The following FBN2 variants were observed in gnomAD, a reference collection of about 807,000 sequenced individuals.
FBN2 encodes fibrillin-2.
A neutral mutation model predicts 355.6 loss-of-function variants in FBN2; 105 were observed. The ratio of observed to expected loss-of-function variants is 0.30; its 90% CI spans 0.25 to 0.35. FBN2 has a LOEUF of 0.35. FBN2 is among the 10% of genes least tolerant of loss of function. FBN2 has a pLI of 1.00. For missense variants in FBN2, 3,280 were observed against 3,758.7 expected, an observed-to-expected ratio of 0.87 and a Z score of 3.33; for synonymous variants, 1,350 against 1,301.2, an observed-to-expected ratio of 1.04 and a Z score of -0.81.
intron 5 of FBN2, among the ~76,000 whole-genome samples, chr5:128,506,905 G>A (rs1417307528): frequency 1.3e-5 from 2 of 151,984 alleles, no homozygotes; most frequent in Non-Finnish European, 1.5e-5. Context: ...AGTGAAACAC[G>A]ATGTTTTTTA....
chr5:128,476,415 G>A (rs1178640518), intron 5 of FBN2, among the ~76,000 whole-genome samples: 1 of 151,550 alleles, frequency 6.6e-6, no homozygotes, highest in Non-Finnish European at 1.5e-5. Context: ...AAAATGAGTA[G>A]AAAATAAACA....
At chr5:128,312,008 C>A (rs1750071093) in intron 37 of FBN2, 55 bp from the exon 38 acceptor site, 3 of 1,250,290 alleles carry the variant, frequency 2.4e-6, no homozygotes, top group Non-Finnish European at 2.3e-6. Flanking sequence ...GTGGCTGAGA[C>A]AATGAGCAAG....
At chr5:128,308,176 T>TA (rs1292630830) in intron 41 of FBN2, among the ~76,000 whole-genome samples, 1 of 152,154 alleles carries the variant, frequency 6.6e-6, no homozygotes, top group African/African-American at 2.4e-5. Context: ...ATAAGTATCT[T>TA]AAGAGTTTTG....
In FBN2 at chr5:128,275,807, A is replaced by T. The variant is rs1428633; in HGVS notation, c.7594+231T>A. 0.16 allele frequency among the ~76,000 whole-genome samples: 23,947 copies of T among 152,014 alleles called. 2,258 individuals carry two copies. Among genetic ancestry groups the T allele is most frequent in the Admixed American group, 0.25 (3,762 of 15,268 alleles). ...ACTTTTGTTTTATTTTATTTTTTAAAATTTATGCAGTTTTCTATAAGAAGC... is the reference window on the plus strand; with the variant it reads ...ACTTTTGTTTTATTTTATTTTTTAATATTTATGCAGTTTTCTATAAGAAGC... On this transcript the variant is annotated intron_variant, in intron 59 of 64. Transcript: ENST00000262464.
rs751824761 is a variant in FBN2, at chr5:128,278,642, A to G, written c.7338T>C (p.Asp2446=). 1.3e-5 allele frequency: 21 copies of G among 1,613,648 alleles called. No homozygotes were observed. The highest frequency in any genetic ancestry group is 6.7e-5 in the African/African-American group (5 of 74,894). ...ATTTCCTCAACTCCTTACCTCTTCCATCAGTTGTATATCCTGGGCCATGAG... is the reference window on the plus strand; with the variant it reads ...ATTTCCTCAACTCCTTACCTCTTCCGTCAGTTGTATATCCTGGGCCATGAG... ...ICPHGPGYTT[D]GRDIDECKVM... Residue 2446 remains aspartate (D), a synonymous_variant, in exon 57 of 65, where the codon GAT becomes GAC. Transcript: ENST00000262464.
At chr5:128,332,368 T>C (rs1208687712) in intron 32 of FBN2, among the ~76,000 whole-genome samples, 3 of 152,188 alleles carry the variant, frequency 2.0e-5, no homozygotes, top group African/African-American at 7.2e-5. Context: ...CCCTCTCAGA[T>C]ATAAAAGACT....
At chr5:128,390,565 T>C (rs1188312354) in intron 11 of FBN2, among the ~76,000 whole-genome samples, 1 of 152,216 alleles carries the variant, frequency 6.6e-6, no homozygotes. Flanking sequence ...ATCTTGGCCC[T>C]TGAATATACA....
chr5:128,377,181 A>G (rs1752100996), intron 13 of FBN2, among the ~76,000 whole-genome samples: 3 of 152,224 alleles, frequency 2.0e-5, no homozygotes, highest in South Asian at 2.1e-4. Context: ...AAATAAGGCA[A>G]TGGCAGACCT....
At chr5:128,526,698 G>A (rs1242291531) in intron 4 of FBN2, among the ~76,000 whole-genome samples, 1 of 152,086 alleles carries the variant, frequency 6.6e-6, no homozygotes, top group African/African-American at 2.4e-5. Flanking sequence ...CATAGAGACA[G>A]AAGTAAATGA....
rs1362603970 is a variant in FBN2, at chr5:128,289,944, G to C, written c.6449C>G (p.Ala2150Gly). 3 of 1,590,954 alleles carry C rather than the reference G, an allele frequency of 1.9e-6. No homozygotes were observed. The highest frequency in any genetic ancestry group is 1.1e-5 in the South Asian group (1 of 90,542). ...CELCPKDDEV[A>G]FQDLCPYGHG... is the part of the protein sequence containing the mutation. The stretch of plus-strand genomic sequence containing the variant: ...GCCATATGGACACAAATCCTGAAAT[G>C]CAACTACAAAGAAAAATACAAATTC... Residue 2150 changes from alanine (A) to glycine (G), a missense_variant, in exon 51 of 65, where the codon GCA becomes GGA. By Grantham distance (60) the Ala-to-Gly change is moderately conservative. Coordinates refer to ENST00000262464, the MANE Select transcript of FBN2 (RefSeq NM_001999.4).
intron 7 of FBN2, among the ~76,000 whole-genome samples, chr5:128,436,510 T>TC (rs769837375): frequency 2.0e-5 from 3 of 152,056 alleles, no homozygotes; most frequent in Non-Finnish European, 4.4e-5. Flanking sequence ...AAAAGCAGAT[T>TC]CCTTAGTGCA....
chr5:128,443,542 C>T (rs1013533196), intron 7 of FBN2, among the ~76,000 whole-genome samples: 1 of 152,164 alleles, frequency 6.6e-6, no homozygotes, highest in Admixed American at 6.5e-5. Flanking sequence ...AAAATACACA[C>T]AGAAAATATC....
rs184419098 is a variant in FBN2, at chr5:128,410,352, A to G, written c.953-1553T>C. 3.7e-4 allele frequency among the ~76,000 whole-genome samples: 56 copies of G among 152,358 alleles called. 1 individual carries two copies. The highest frequency in any genetic ancestry group is 1.3e-3 in the African/African-American group (55 of 41,588). On this transcript the variant is annotated intron_variant, in intron 7 of 64. Coordinates refer to ENST00000262464, the MANE Select transcript of FBN2 (RefSeq NM_001999.4). Reference sequence around the variant, plus strand: ...AAGAGAGATGAAACTAAACAGCTGTACTTTAATTACCACAGAAACTTATCA... The same window carrying G: ...AAGAGAGATGAAACTAAACAGCTGTGCTTTAATTACCACAGAAACTTATCA...
intron 16 of FBN2, among the ~76,000 whole-genome samples, chr5:128,367,433 GT>G (rs1237122934): frequency 1.3e-5 from 2 of 151,946 alleles, no homozygotes; most frequent in African/African-American, 4.8e-5. Context: ...GTACACTGCT[GT>G]TTTTTCTATA....
At chr5:128,331,759 A>T (rs541161866) in intron 32 of FBN2, among the ~76,000 whole-genome samples, 26 of 152,212 alleles carry the variant, frequency 1.7e-4, no homozygotes, top group South Asian at 6.2e-4. Context: ...TGTAAAGGAG[A>T]GGATGAATTT....
chr5:128,257,941 G>T lies in FBN2; in HGVS notation c.*1514C>A, dbSNP rs1374781743. On this transcript the variant is annotated 3_prime_UTR_variant, in exon 65 of 65. Transcript: ENST00000262464. The stretch of plus-strand genomic sequence containing the variant: ...AAATAAGCTTTATTGCAAGAAAAGT[G>T]TCATATTTGATACACAGACCTACAA... 6.6e-6 allele frequency: 1 copy of T among 152,398 alleles called. No individual in the cohort carries two copies. The highest frequency in any genetic ancestry group is 1.5e-5 in the Non-Finnish European group (1 of 68,022). The allele number at this position is 152,398 out of a possible 1,614,324, so 9.4% of individuals were successfully genotyped here.
chr5:128,273,376 T>C (rs1765311265), intron 61 of FBN2, among the ~76,000 whole-genome samples: 3 of 152,210 alleles, frequency 2.0e-5, no homozygotes, highest in Admixed American at 2.0e-4. Flanking sequence ...AGCGGGAGCT[T>C]GACTCGTAAA....
At chr5:128,532,877 A>C (rs112009634) in intron 2 of FBN2, among the ~76,000 whole-genome samples, 1 of 152,066 alleles carries the variant, frequency 6.6e-6, no homozygotes, top group Admixed American at 6.5e-5. Flanking sequence ...ACGCTACGAA[A>C]ATTTTTTTAA....
Position 128,350,950 on chromosome 5 carries a change from A to G in FBN2, c.2730T>C (p.Asn910=). 6.2e-7 allele frequency: 1 copy of G among 1,614,136 alleles called. No individual in the cohort carries two copies. The highest frequency in any genetic ancestry group is 8.5e-7 in the Non-Finnish European group (1 of 1,180,018). ...LNIQDSRCEV[N]INGATLKSEC... The stretch of plus-strand genomic sequence containing the variant: ...CAGATTTCAGAGTGGCTCCATTAAT[A>G]TTCACCTCACAGCGGCTGTCCTGGA... The change falls in exon 21 of 65, where the codon AAT becomes AAC. Residue 910 remains asparagine (N), a synonymous_variant. Coordinates refer to ENST00000262464, the MANE Select transcript of FBN2 (RefSeq NM_001999.4).
Sources: allele counts gnomAD v4.1 joint callset (sites outside exome capture counted in the v4.1 genomes callset), GRCh38; gene constraint gnomAD v4.1.1; transcripts MANE v1.5; gene names NCBI Gene and HGNC (gene_info 2026-07-23, HGNC 2026-07-21).